CADM2: variants seen among roughly 807,000 people sequenced by gnomAD.
The protein encoded by CADM2 is cell adhesion molecule 2, also known as immunoglobulin superfamily member 4D.
Under a neutral mutation model 49.8 loss-of-function variants are expected in CADM2, and 12 were observed. The ratio of observed to expected loss-of-function variants is 0.24; its 90% CI spans 0.15 to 0.39. The LOEUF (loss-of-function observed/expected upper bound fraction) is 0.39, where lower values mean the gene tolerates loss of function less well. CADM2 is among the 10% of genes least tolerant of loss of function. CADM2 has a pLI of 1.00. For synonymous variants in CADM2, 214 were observed against 175.4 expected (o/e 1.22, Z -1.74); for missense variants, 378 against 492.3 (o/e 0.77, Z 2.20).
At chr3:85,942,650 CA>C (rs1318643038) in intron 7 of CADM2, among the ~76,000 whole-genome samples, 1 of 151,848 alleles carries the variant, frequency 6.6e-6, no homozygotes, top group African/African-American at 2.4e-5. Context: ...CATGTCCCTA[CA>C]AAGGACATGA....
intron 1 of CADM2, among the ~76,000 whole-genome samples, chr3:85,518,422 C>CTTT (rs35500944): frequency 0.054 from 7,725 of 142,494 alleles, 488 homozygotes; most frequent in African/African-American, 0.14. Context: ...ACAATCTAGG[C>CTTT]TTTTTTTTTT....
intron 8 of CADM2, among the ~76,000 whole-genome samples, chr3:85,988,328 T>C (rs1728363408): frequency 6.6e-6 from 1 of 152,198 alleles, no homozygotes; most frequent in Admixed American, 6.6e-5. Context: ...TAAAAGCTAC[T>C]TGATGGAAAG....
rs183936654 is a variant in CADM2, at chr3:85,302,705, A to T, written c.61+343037A>T. On this transcript the variant is annotated intron_variant, in intron 1 of 9. Transcript: ENST00000383699. ...ATGCGGCCATGTTTTCCTTAACATCACTGCATTATATCTGTTTGAGTGAGT... is the reference window on the plus strand; with the variant it reads ...ATGCGGCCATGTTTTCCTTAACATCTCTGCATTATATCTGTTTGAGTGAGT... 2.6e-5 allele frequency among the ~76,000 whole-genome samples: 4 copies of T among 152,104 alleles called. No homozygotes were observed. The Admixed American group carries it at 2.6e-4, about 10-fold the overall frequency.
At chr3:85,887,322 A>G (rs1309719464) in intron 5 of CADM2, among the ~76,000 whole-genome samples, 2 of 151,774 alleles carry the variant, frequency 1.3e-5, no homozygotes, top group Non-Finnish European at 2.9e-5. Flanking sequence ...GGCTAAAGTG[A>G]CCCTCCTGCC....
At chr3:85,367,560 A>G (rs2032875328) in intron 1 of CADM2, among the ~76,000 whole-genome samples, 1 of 151,844 alleles carries the variant, frequency 6.6e-6, no homozygotes, top group Non-Finnish European at 1.5e-5. Flanking sequence ...ACAAAATAAG[A>G]GGTCATTAAA....
chr3:85,602,837 A>G (rs1419282871), intron 1 of CADM2, among the ~76,000 whole-genome samples: 20 of 151,846 alleles, frequency 1.3e-4, no homozygotes, highest in Non-Finnish European at 2.9e-4. Flanking sequence ...GACCCTTGAC[A>G]GTGCTCTCTC....
intron 8 of CADM2, among the ~76,000 whole-genome samples, chr3:85,985,121 A>G (rs1307179789): frequency 6.6e-6 from 1 of 151,922 alleles, no homozygotes; most frequent in Non-Finnish European, 1.5e-5. Flanking sequence ...TAACTCAGTG[A>G]CTTACACATA....
At chr3:85,840,347 T>C (rs1015487126) in intron 3 of CADM2, among the ~76,000 whole-genome samples, 5 of 151,930 alleles carry the variant, frequency 3.3e-5, no homozygotes, top group Non-Finnish European at 4.4e-5. Flanking sequence ...AGGATATCCA[T>C]GACTTACAAT....
chr3:86,008,778 T>C (rs1227119780), intron 8 of CADM2, among the ~76,000 whole-genome samples: 1 of 152,012 alleles, frequency 6.6e-6, no homozygotes, highest in Admixed American at 6.5e-5. Context: ...AATAAGGTTA[T>C]CTTCTCTCAA....
intron 8 of CADM2, among the ~76,000 whole-genome samples, chr3:86,021,036 G>T (rs1016255581): frequency 6.6e-6 from 1 of 152,210 alleles, no homozygotes; most frequent in South Asian, 2.1e-4. Flanking sequence ...TGTCACCCAG[G>T]TCACACAGGC....
intron 1 of CADM2, among the ~76,000 whole-genome samples, chr3:85,651,628 A>G (rs866601478): frequency 2.9e-4 from 44 of 152,048 alleles, no homozygotes; most frequent in Non-Finnish European, 4.0e-4. Flanking sequence ...AACCTTTTTT[A>G]TTGTTTTGTC....
intron 1 of CADM2, among the ~76,000 whole-genome samples, chr3:85,429,237 T>C (rs572237780): frequency 6.6e-6 from 1 of 152,076 alleles, no homozygotes; most frequent in African/African-American, 2.4e-5. Context: ...ACGTGTTTAG[T>C]TTCATCATTT....
chr3:85,628,856 A>T (rs2064215507), intron 1 of CADM2, among the ~76,000 whole-genome samples: 1 of 150,512 alleles, frequency 6.6e-6, no homozygotes, highest in South Asian at 2.1e-4. Context: ...TGTTTCTTTG[A>T]CTCTTATCGT....
At chr3:85,154,321 C>T (rs1446515930) in intron 1 of CADM2, among the ~76,000 whole-genome samples, 1 of 152,032 alleles carries the variant, frequency 6.6e-6, no homozygotes, top group Non-Finnish European at 1.5e-5. Context: ...ATGCGATCAA[C>T]TGGAAGAAAG....
At chr3:85,931,236 AAAGT>A (rs1414510834) in intron 6 of CADM2, among the ~76,000 whole-genome samples, 1 of 151,992 alleles carries the variant, frequency 6.6e-6, no homozygotes, top group African/African-American at 2.4e-5. Flanking sequence ...AAGAAGAAAG[AAAGT>A]AAGAAAGAGA....
At chr3:85,273,283 C>T (rs766521710) in intron 1 of CADM2, among the ~76,000 whole-genome samples, 1 of 151,266 alleles carries the variant, frequency 6.6e-6, no homozygotes, top group Non-Finnish European at 1.5e-5. Flanking sequence ...AGACAGACCT[C>T]TGAGTGGTTA....
intron 1 of CADM2, among the ~76,000 whole-genome samples, chr3:85,291,868 A>C (rs1240789558): frequency 2.0e-5 from 3 of 150,458 alleles, no homozygotes; most frequent in African/African-American, 7.5e-5. Flanking sequence ...GACTAGGAAG[A>C]AACTGCATCA....
intron 1 of CADM2, among the ~76,000 whole-genome samples, chr3:85,318,931 G>A (rs2044535243): frequency 6.6e-6 from 1 of 152,068 alleles, no homozygotes; most frequent in Non-Finnish European, 1.5e-5. Context: ...ACTTATTAAT[G>A]TGACAACGTT....
chr3:85,028,119 C>A (rs13096651), intron 1 of CADM2, among the ~76,000 whole-genome samples: 36,436 of 152,092 alleles, frequency 0.24, 5,488 homozygotes, highest in Non-Finnish European at 0.34. Context: ...TCCCATTCAT[C>A]CTCATTAGAA....
Sources: allele counts gnomAD v4.1 joint callset (sites outside exome capture counted in the v4.1 genomes callset), GRCh38; gene constraint gnomAD v4.1.1; transcripts MANE v1.5; gene names NCBI Gene and HGNC (gene_info 2026-07-23, HGNC 2026-07-21).